Variants in SMG1 observed in about 807,000 individuals in gnomAD.
SMG1 encodes the protein serine/threonine-protein kinase SMG1.
Under a neutral mutation model 419.9 loss-of-function variants are expected in SMG1, and 22 were observed. That is an observed-to-expected ratio of 0.05 (90% CI 0.04 to 0.07). The LOEUF (loss-of-function observed/expected upper bound fraction) is 0.07. Ranked by LOEUF, SMG1 falls within the 10% of genes least tolerant of loss-of-function variation. The probability of loss-of-function intolerance (pLI) is 1.00; values close to 1 mark genes in which losing one functional copy is unlikely to be tolerated. For missense variants in SMG1, 3,185 were observed against 4,342.0 expected (o/e 0.73, Z 7.49); for synonymous variants, 1,538 against 1,553.5 (o/e 0.99, Z 0.23).
At position 18,805,633 on chromosome 16, in the gene SMG1, T is replaced by G. The variant is rs1341925464; in HGVS notation, c.*3936A>C. The G allele has an allele frequency of 6.6e-6, 1 of 152,296 alleles. No homozygotes were observed. The highest frequency in any genetic ancestry group is 2.1e-4 in the South Asian group (1 of 4,830). The allele number at this position is 152,296 out of a possible 1,614,324, so 9.4% of individuals were successfully genotyped here. On this transcript the variant is annotated 3_prime_UTR_variant, in exon 63 of 63. Coordinates refer to ENST00000446231, the MANE Select transcript of SMG1 (RefSeq NM_015092.5). ...CCCCTCCCCAACGTTTGGAAAAAAT[T>G]GGGACACTTGCTAGTTCTTCCCTGT...
Position 18,815,546 on chromosome 16 carries a change from G to T in SMG1, c.10408C>A (p.Leu3470Ile), listed in dbSNP as rs765522459. Residue 3470 changes from leucine to isoleucine, a missense_variant, in exon 59 of 63, where the codon CTA becomes ATA. This residue lies in a region of SMG1 where 737 missense variants were observed against 846.6 expected (regional missense o/e 0.87). Coordinates refer to ENST00000446231, the MANE Select transcript of SMG1 (RefSeq NM_015092.5). ...CCCATAGCCTGGACTAATGTAAATAGAACTGTTTGAATGTTGTCTTGCCAT... is the reference window on the plus strand; with the variant it reads ...CCCATAGCCTGGACTAATGTAAATATAACTGTTTGAATGTTGTCTTGCCAT... ...KSWQDNIQTVLFTLVQAMGQV... is the reference protein window; with the variant it reads ...KSWQDNIQTVIFTLVQAMGQV... The T allele has an allele frequency of 2.5e-6, 4 of 1,613,848 alleles. No individual in the cohort carries two copies. The African/African-American group carries it at 5.3e-5, about 22-fold the overall frequency.
At chr16:18,819,764 T>G in intron 55 of SMG1, 110 bp from the exon 56 acceptor site, 1 of 1,128,048 alleles carries the variant, frequency 8.9e-7, no homozygotes, top group Non-Finnish European at 1.2e-6. Flanking sequence ...GGTGGACACA[T>G]GTAATTTAGA....
At chr16:18,847,230 G>C (rs570492682) in intron 38 of SMG1, among the ~76,000 whole-genome samples, 1 of 152,246 alleles carries the variant, frequency 6.6e-6, no homozygotes, top group East Asian at 1.9e-4. Flanking sequence ...ACTGAGGTGA[G>C]GGGGAAATGA....
At chr16:18,897,051 C>A in intron 1 of SMG1, 95 bp from the exon 2 acceptor site, 1 of 849,232 alleles carries the variant, frequency 1.2e-6, no homozygotes, top group Non-Finnish European at 1.8e-6. Context: ...TTACATTTAA[C>A]CATTACTATT....
At position 18,871,326 on chromosome 16, in the gene SMG1, T is replaced by G. The variant is rs532866806; in HGVS notation, c.2302+38A>C. ...TACCAAAGACCCTTTTAAGGATTGATAAACAAAATAGAAAAAAAAAAAAAA... is the reference window on the plus strand; with the variant it reads ...TACCAAAGACCCTTTTAAGGATTGAGAAACAAAATAGAAAAAAAAAAAAAA... On this transcript the variant is annotated intron_variant, in intron 16 of 62. Coordinates refer to ENST00000446231, the MANE Select transcript of SMG1 (RefSeq NM_015092.5). 7.9e-5 allele frequency: 79 copies of G among 997,488 alleles called. 1 individual carries two copies. The Admixed American group carries it at 1.7e-3, about 21-fold the overall frequency. The allele number at this position is 997,488 out of a possible 1,614,324, so 61.8% of individuals were successfully genotyped here. A position where few individuals can be genotyped will look rare whatever the true frequency, so the allele number is the denominator to read the frequency against.
In SMG1 at chr16:18,867,700, CT is replaced by C. The variant is rs778044384; in HGVS notation, c.3195+489del. ...AAAAACATGAACATTATTTTAACTTCTTTTTTTTTTTTTTTTTTTTTTTTCT... is the reference window on the plus strand; with the variant it reads ...AAAAACATGAACATTATTTTAACTTCTTTTTTTTTTTTTTTTTTTTTTTCT... On this transcript the variant is annotated intron_variant, in intron 22 of 62. Coordinates refer to ENST00000446231, the MANE Select transcript of SMG1 (RefSeq NM_015092.5). Among the ~76,000 whole-genome samples, 704 of 87,870 alleles carry C rather than the reference CT, an allele frequency of 8.0e-3. 3 individuals carry two copies. Among genetic ancestry groups the C allele is most frequent in the African/African-American group, 0.024 (532 of 22,202 alleles). 57.6% of individuals were successfully genotyped at this position (87,870 alleles called of 152,430 possible).
At chr16:18,897,586 G>T (rs780188395) in intron 1 of SMG1, among the ~76,000 whole-genome samples, 2 of 152,154 alleles carry the variant, frequency 1.3e-5, no homozygotes, top group Non-Finnish European at 2.9e-5. Context: ...GCAATAAAGT[G>T]ATATCAGAAA....
intron 5 of SMG1, among the ~76,000 whole-genome samples, chr16:18,890,185 A>T (rs1206614262): frequency 6.6e-6 from 1 of 152,182 alleles, no homozygotes; most frequent in East Asian, 1.9e-4. Flanking sequence ...ATCCACTCTT[A>T]CCCAAAGAAG....
chr16:18,881,382 G>A (rs1048058388), intron 10 of SMG1, among the ~76,000 whole-genome samples: 22 of 152,140 alleles, frequency 1.4e-4, no homozygotes, highest in African/African-American at 4.8e-4. Flanking sequence ...TTTCATTTAA[G>A]TTCTGACATT....
In SMG1 at chr16:18,884,056, TTC is replaced by T. The variant is rs746617388; in HGVS notation, c.1119+12_1119+13del. ...TTAACCAAAATTTTAAGAAACAGCT[TTC>T]TATATACTCACCTCAGCATATGCTT... On this transcript the variant is annotated intron_variant, in intron 9 of 62. Coordinates refer to ENST00000446231, the MANE Select transcript of SMG1 (RefSeq NM_015092.5). 9.2e-5 allele frequency: 120 copies of T among 1,310,732 alleles called. No individual in the cohort carries two copies. Among genetic ancestry groups the T allele is most frequent in the Non-Finnish European group, 1.2e-4 (117 of 942,016 alleles). 81.2% of individuals were successfully genotyped at this position (1,310,732 alleles called of 1,614,324 possible).
At chr16:18,892,059 C>A (rs185637571) in intron 4 of SMG1, among the ~76,000 whole-genome samples, 159 bp downstream of exon 4, 51 of 152,324 alleles carry the variant, frequency 3.3e-4, no homozygotes, top group Non-Finnish European at 5.1e-4. Flanking sequence ...AGAGCAAGAT[C>A]TTGTCTTTAA....
At chr16:18,831,031 G>A (rs750607524) in intron 51 of SMG1, among the ~76,000 whole-genome samples, 4 of 152,052 alleles carry the variant, frequency 2.6e-5, no homozygotes, top group Non-Finnish European at 5.9e-5. Context: ...AGGTATGTTC[G>A]CACTATTACT....
chr16:18,876,537 T>A, intron 12 of SMG1, 144 bp from the exon 13 acceptor site: 1 of 1,147,900 alleles, frequency 8.7e-7, no homozygotes, highest in Non-Finnish European at 1.2e-6. Flanking sequence ...CACTTAATAT[T>A]TTAACTTTTT....
chr16:18,857,986 C>T lies in SMG1; in HGVS notation c.4234+184G>A, dbSNP rs2035006331. On this transcript the variant is annotated intron_variant, in intron 29 of 62. Transcript: ENST00000446231. ...GACAGGGGCAAATGAGGAGATGATC[C>T]CAAGGGAACCTTCTGGGGTAAGACG... The T allele has an allele frequency of 3.5e-5, 14 of 403,320 alleles. No individual in the cohort carries two copies. The South Asian group carries it at 7.4e-4, about 21-fold the overall frequency. The allele number at this position is 403,320 out of a possible 1,614,324, so 25.0% of individuals were successfully genotyped here.
chr16:18,863,173 C>G (rs560141872), intron 25 of SMG1, among the ~76,000 whole-genome samples: 1 of 152,304 alleles, frequency 6.6e-6, no homozygotes, highest in South Asian at 2.1e-4. Flanking sequence ...TTTATCTTCC[C>G]AGCCAAGTGT....
At chr16:18,813,020 T>C (rs1197400246) in intron 60 of SMG1, among the ~76,000 whole-genome samples, 1 of 152,106 alleles carries the variant, frequency 6.6e-6, no homozygotes, top group Non-Finnish European at 1.5e-5. Flanking sequence ...TATGGCTGCA[T>C]AGTATTCCAT....
intron 51 of SMG1, among the ~76,000 whole-genome samples, chr16:18,830,820 A>G (rs1434354514): frequency 6.6e-6 from 1 of 152,164 alleles, no homozygotes; most frequent in Non-Finnish European, 1.5e-5. Context: ...TGTTATGATG[A>G]TAAAATGGTA....
In SMG1 at chr16:18,870,331, T is replaced by C. The variant is rs538675170; in HGVS notation, c.2492+279A>G. ...TCAAAAACAATAAAAGATTACTGTT[T>C]AGTTTTTCAAATATCTGAGCTACTA... On this transcript the variant is annotated intron_variant, in intron 18 of 62. Transcript: ENST00000446231. 5.3e-5 allele frequency among the ~76,000 whole-genome samples: 8 copies of C among 152,358 alleles called. No homozygotes were observed. The East Asian group carries it at 1.5e-3, about 29-fold the overall frequency.
chr16:18,879,785 CTT>C (rs890621044), intron 10 of SMG1, 66 bp from the exon 11 acceptor site: 1 of 1,144,916 alleles, frequency 8.7e-7, no homozygotes, highest in East Asian at 2.5e-5. Context: ...CAAGAAAATA[CTT>C]TTTATTTAAT....
Sources: allele counts gnomAD v4.1 joint callset (sites outside exome capture counted in the v4.1 genomes callset), GRCh38; gene constraint gnomAD v4.1.1; regional missense constraint gnomAD v4.1.1; transcripts MANE v1.5; gene names NCBI Gene and HGNC (gene_info 2026-07-23, HGNC 2026-07-21).